Variants in RIMKLB observed in about 807,000 individuals in gnomAD.
RIMKLB encodes the protein beta-citrylglutamate synthase B.
RIMKLB carries 7 observed loss-of-function variants against 32.0 expected under a neutral mutation model. The observed-to-expected ratio is 0.22, with a 90% CI of 0.12 to 0.41. The LOEUF is 0.41. RIMKLB is among the 10% of genes least tolerant of loss of function. RIMKLB has a pLI of 1.00. For synonymous variants in RIMKLB, 172 were observed against 185.1 expected (o/e 0.93, Z 0.57); for missense variants, 289 against 498.7 (o/e 0.58, Z 4.00).
intron 5 of RIMKLB, among the ~76,000 whole-genome samples, chr12:8,764,319 A>G (rs1949776014): frequency 6.6e-6 from 1 of 152,184 alleles, no homozygotes; most frequent in Admixed American, 6.5e-5. Flanking sequence ...TTCCTCAAGT[A>G]GGGGACAATA....
intron 2 of RIMKLB, among the ~76,000 whole-genome samples, chr12:8,748,875 G>GT (rs1491261672): frequency 1.3e-5 from 2 of 151,912 alleles, no homozygotes; most frequent in African/African-American, 4.8e-5. Context: ...GGAAGCAGAG[G>GT]TTGCAGTGAG....
intron 2 of RIMKLB, among the ~76,000 whole-genome samples, chr12:8,736,670 A>G (rs1022202839): frequency 6.6e-6 from 1 of 151,268 alleles, no homozygotes; most frequent in Non-Finnish European, 1.5e-5. Context: ...TTTTGTGGAG[A>G]TGAGGTATTT....
chr12:8,706,985 T>C (rs1591657542), intron 1 of RIMKLB, among the ~76,000 whole-genome samples: 1 of 152,112 alleles, frequency 6.6e-6, no homozygotes, highest in Admixed American at 6.5e-5. Flanking sequence ...GAAGGAGAGA[T>C]GTCAGGAGGA....
In RIMKLB at chr12:8,682,057, G is replaced by C. The variant is rs774759319; in HGVS notation, n.219+239G>C. On this transcript the variant is annotated intron_variant and non_coding_transcript_variant, in intron 1 of 1. Transcript: ENST00000538758. Reference sequence around the variant, plus strand: ...ATTGTAGGACACCCAGCTGGTGTTGGAGAATAGGTCAGTGTGGGGAAAAAA... The same window carrying C: ...ATTGTAGGACACCCAGCTGGTGTTGCAGAATAGGTCAGTGTGGGGAAAAAA... 3.3e-5 allele frequency among the ~76,000 whole-genome samples: 5 copies of C among 152,214 alleles called. No homozygotes were observed. In the South Asian group the frequency reaches 1.0e-3, roughly 32 times the overall value.
chr12:8,732,320 T>C (rs1393271371), intron 2 of RIMKLB, among the ~76,000 whole-genome samples: 1 of 152,126 alleles, frequency 6.6e-6, no homozygotes, highest in African/African-American at 2.4e-5. Context: ...TTTGGAGCAC[T>C]TTTGATCCTA....
intron 5 of RIMKLB, 101 bp downstream of exon 5, chr12:8,754,194 A>G (rs748852265): frequency 1.2e-6 from 1 of 820,848 alleles, no homozygotes; most frequent in Non-Finnish European, 2.0e-6. Context: ...TAATAAGTTG[A>G]AAAACGTATT....
upstream of RIMKLB, among the ~76,000 whole-genome samples, chr12:8,678,381 G>A (rs58503001): frequency 0.016 from 2,482 of 151,514 alleles, 44 homozygotes; most frequent in African/African-American, 0.047. Flanking sequence ...CCCAGGCTGG[G>A]GTGCAATGGT....
intron 5 of RIMKLB, among the ~76,000 whole-genome samples, chr12:8,755,183 C>T (rs985312171): frequency 4.4e-4 from 67 of 152,120 alleles, no homozygotes; most frequent in African/African-American, 1.4e-3. Context: ...AACCTCTGAC[C>T]TAGGTGATAT....
intron 2 of RIMKLB, among the ~76,000 whole-genome samples, chr12:8,725,193 A>G (rs888959078): frequency 6.6e-6 from 1 of 152,188 alleles, no homozygotes; most frequent in African/African-American, 2.4e-5. Flanking sequence ...ATTCAGGTGA[A>G]GACTTTTCTG....
At chr12:8,778,764 G>C (rs1051659694), downstream of RIMKLB, among the ~76,000 whole-genome samples, 2 of 152,172 alleles carry the variant, frequency 1.3e-5, no homozygotes, top group Non-Finnish European at 2.9e-5. Context: ...TTTAGTGAAA[G>C]TAATCAGGAC....
In RIMKLB at chr12:8,774,833, G is replaced by A. The variant is rs34892777; in HGVS notation, c.*1049G>A. ...AAAGCTGAAGTGATTTCGAATGCCA[G>A]CGTTATATATTTGCATTTTTCACAT... is the stretch of plus-strand genomic sequence containing the variant. On this transcript the variant is annotated 3_prime_UTR_variant, in exon 6 of 6. Coordinates refer to ENST00000535829, the MANE Select transcript of RIMKLB (RefSeq NM_001297776.2). 0.014 allele frequency: 14,235 copies of A among 985,526 alleles called. 118 individuals are homozygous for A. The highest frequency in any genetic ancestry group is 0.027 in the South Asian group (581 of 21,288). The allele number at this position is 985,526 out of a possible 1,614,324, so 61.0% of individuals were successfully genotyped here.
In RIMKLB at chr12:8,774,708, C is replaced by T; in HGVS notation, c.*924C>T. On this transcript the variant is annotated 3_prime_UTR_variant, in exon 6 of 6. Transcript: ENST00000535829. ...GACTTGAAACATGTACATTTAAAGCCTTTTATTTTTTCCCTTTTTGTTTTG... is the reference window on the plus strand; with the variant it reads ...GACTTGAAACATGTACATTTAAAGCTTTTTATTTTTTCCCTTTTTGTTTTG... 1 of 985,292 alleles carries T rather than the reference C, an allele frequency of 1.0e-6. No homozygotes were observed. Among genetic ancestry groups the T allele is most frequent in the South Asian group, 4.7e-5 (1 of 21,282 alleles). 61.0% of individuals were successfully genotyped at this position (985,292 alleles called of 1,614,324 possible).
At chr12:8,702,091 C>A (rs1011782874) in intron 1 of RIMKLB, among the ~76,000 whole-genome samples, 17 of 151,760 alleles carry the variant, frequency 1.1e-4, no homozygotes, top group African/African-American at 3.9e-4. Flanking sequence ...TTGATACTCT[C>A]TTACAATTTG....
At chr12:8,684,436 G>A (rs1343912019) in intron 1 of RIMKLB, among the ~76,000 whole-genome samples, 1 of 152,100 alleles carries the variant, frequency 6.6e-6, no homozygotes, top group Non-Finnish European at 1.5e-5. Context: ...GCCTCCCAAA[G>A]TGTTGGGATT....
upstream of RIMKLB, chr12:8,681,544 G>A (rs1357541913): frequency 2.0e-5 from 3 of 152,176 alleles, no homozygotes; most frequent in Non-Finnish European, 4.4e-5. Flanking sequence ...TATTCCGGAT[G>A]AAACTGCTCA....
intron 1 of RIMKLB, among the ~76,000 whole-genome samples, chr12:8,706,730 C>T (rs752932491): frequency 3.4e-4 from 51 of 151,714 alleles, no homozygotes; most frequent in African/African-American, 1.0e-3. Flanking sequence ...CTGGGATTAC[C>T]GGCATGAACC....
chr12:8,733,376 A>G (rs1050622936), intron 2 of RIMKLB, among the ~76,000 whole-genome samples: 11 of 151,920 alleles, frequency 7.2e-5, no homozygotes, highest in Admixed American at 5.9e-4. Flanking sequence ...AGGATCTACT[A>G]TTATTTCAAA....
downstream of RIMKLB, among the ~76,000 whole-genome samples, chr12:8,778,511 A>G (rs1040215815): frequency 1.3e-5 from 2 of 152,242 alleles, no homozygotes; most frequent in Non-Finnish European, 2.9e-5. Flanking sequence ...GTTTGAACAG[A>G]TAGGAGGACA....
intron 4 of RIMKLB, 84 bp from the exon 5 acceptor site, chr12:8,753,806 T>A (rs763669816): frequency 1.8e-6 from 2 of 1,082,162 alleles, no homozygotes; most frequent in South Asian, 2.7e-5. Context: ...AATAGCAGAT[T>A]GTGATACAAG....
Sources: allele counts gnomAD v4.1 joint callset (sites outside exome capture counted in the v4.1 genomes callset), GRCh38; gene constraint gnomAD v4.1.1; transcripts MANE v1.5; gene names NCBI Gene and HGNC (gene_info 2026-07-23, HGNC 2026-07-21).